GLRB: variants seen among roughly 807,000 people sequenced by gnomAD.
GLRB encodes the protein glycine receptor subunit beta.
A neutral mutation model predicts 54.2 loss-of-function variants in GLRB; 33 were observed. That is an observed-to-expected ratio of 0.61 (90% CI 0.46 to 0.81). The LOEUF is 0.81. GLRB is among the 40% of genes least tolerant of loss of function. GLRB has a pLI of 0.00. For synonymous variants in GLRB, 209 were observed against 208.2 expected, an observed-to-expected ratio of 1.00 and a Z score of -0.03; for missense variants, 572 against 584.6, an observed-to-expected ratio of 0.98 and a Z score of 0.22.
intron 4 of GLRB, among the ~76,000 whole-genome samples, chr4:157,123,812 C>T (rs1273465670): frequency 4.0e-5 from 6 of 151,716 alleles, no homozygotes; most frequent in Non-Finnish European, 7.4e-5. Context: ...GACACCACTA[C>T]ACTAATACAG....
chr4:157,085,586 T>A (rs2126433648), intron 2 of GLRB, among the ~76,000 whole-genome samples: 1 of 152,182 alleles, frequency 6.6e-6, no homozygotes, highest in Middle Eastern at 3.4e-3. Flanking sequence ...AACCTCCGCC[T>A]CCTGGGTTCA....
In GLRB at chr4:157,152,863, C is replaced by G. The variant is rs1737077494; in HGVS notation, c.1050C>G (p.Val350=). 6.2e-7 allele frequency: 1 copy of G among 1,613,808 alleles called. No individual in the cohort carries two copies. The highest frequency in any genetic ancestry group is 1.3e-5 in the African/African-American group (1 of 74,858). ...GFASLVEYAV[V]QVMLNNPKRV... ...CTTCCCTGGTGGAGTATGCAGTTGT[C>G]CAGGTGATGCTGAACAACCCCAAAA... is the stretch of plus-strand genomic sequence containing the variant. Residue 350 remains valine (V), a synonymous_variant, in exon 9 of 10, where the codon GTC becomes GTG. Coordinates refer to ENST00000264428, the MANE Select transcript of GLRB (RefSeq NM_000824.5).
At chr4:157,165,643 C>T (rs1313717612) in intron 9 of GLRB, among the ~76,000 whole-genome samples, 6 of 151,770 alleles carry the variant, frequency 4.0e-5, no homozygotes, top group Non-Finnish European at 8.8e-5. Flanking sequence ...TTTTTTTTCC[C>T]AGTAAAAGTG....
intron 6 of GLRB, 34 bp from the exon 7 acceptor site, chr4:157,138,775 T>C: frequency 9.2e-7 from 1 of 1,086,442 alleles, no homozygotes; most frequent in South Asian, 1.3e-5. Context: ...ATTAATTATA[T>C]TTTAAACTAA....
chr4:157,131,331 A>G (rs962510555), intron 4 of GLRB, among the ~76,000 whole-genome samples: 2 of 151,742 alleles, frequency 1.3e-5, no homozygotes, highest in Non-Finnish European at 3.0e-5. Flanking sequence ...CGATGTAGAC[A>G]TTATTGTAGC....
At chr4:157,133,818 C>A (rs1183869706) in intron 4 of GLRB, among the ~76,000 whole-genome samples, 1 of 151,918 alleles carries the variant, frequency 6.6e-6, no homozygotes, top group Non-Finnish European at 1.5e-5. Flanking sequence ...CAAATGTATT[C>A]TTGGGTTGTG....
chr4:157,077,946 A>T (rs1015211592), intron 1 of GLRB, 50 bp from the exon 2 acceptor site: 12 of 1,220,524 alleles, frequency 9.8e-6, no homozygotes, highest in African/African-American at 1.5e-5. Flanking sequence ...ACAGTCATAT[A>T]GTTATCATTT....
chr4:157,122,450 G>T, intron 4 of GLRB, 53 bp downstream of exon 4: 1 of 689,090 alleles, frequency 1.5e-6, no homozygotes. Flanking sequence ...AGAGGAGATA[G>T]TGAAAGTAAC....
intron 8 of GLRB, among the ~76,000 whole-genome samples, chr4:157,150,819 C>CT (rs1236095272): frequency 1.3e-5 from 2 of 151,988 alleles, no homozygotes; most frequent in African/African-American, 2.4e-5. Flanking sequence ...GTTTTCTCTG[C>CT]TTTTTTTCAC....
chr4:157,114,550 G>A lies in GLRB; in HGVS notation c.123-6006G>A, dbSNP rs1034999413. ...ATAAGTCAAGGCCATTCTTTATTCA[G>A]ACCTCTTTGGTCTTTACCTTAAGTC... On this transcript the variant is annotated intron_variant, in intron 2 of 9. Coordinates refer to ENST00000264428, the MANE Select transcript of GLRB (RefSeq NM_000824.5). 2.0e-5 allele frequency among the ~76,000 whole-genome samples: 3 copies of A among 151,534 alleles called. No homozygotes were observed. The South Asian group carries it at 6.3e-4, about 32-fold the overall frequency.
At chr4:157,079,925 T>C (rs1377447041) in intron 2 of GLRB, among the ~76,000 whole-genome samples, 5 of 152,220 alleles carry the variant, frequency 3.3e-5, no homozygotes, top group Admixed American at 1.3e-4. Context: ...TCAAGCCATC[T>C]TGGGTTTCTG....
At chr4:157,130,106 A>G (rs868625758) in intron 4 of GLRB, among the ~76,000 whole-genome samples, 1 of 151,648 alleles carries the variant, frequency 6.6e-6, no homozygotes, top group Non-Finnish European at 1.5e-5. Flanking sequence ...TTCTTCCTAA[A>G]ACTCTATGTT....
Position 157,138,908 on chromosome 4 carries a change from A to G in GLRB, c.710A>G (p.Asp237Gly). ...CCTCAATTTGATATCAAAAAGGAAGATATTGAATATGGTAACTGTACAAAA... is the reference window on the plus strand; with the variant it reads ...CCTCAATTTGATATCAAAAAGGAAGGTATTGAATATGGTAACTGTACAAAA... ...ALPQFDIKKE[D>G]IEYGNCTKYY... The change falls in exon 7 of 10, where the codon GAT (aspartate) becomes GGT (glycine). Residue 237 changes from aspartate (D) to glycine (G), a missense_variant. Coordinates refer to ENST00000264428, the MANE Select transcript of GLRB (RefSeq NM_000824.5). 1 of 1,476,382 alleles carries G rather than the reference A, an allele frequency of 6.8e-7. No individual in the cohort carries two copies. Among genetic ancestry groups the G allele is most frequent in the Non-Finnish European group, 9.5e-7 (1 of 1,055,656 alleles). 91.5% of individuals were successfully genotyped at this position (1,476,382 alleles called of 1,614,324 possible). A position where few individuals can be genotyped will look rare whatever the true frequency, so the allele number is the denominator to read the frequency against.
At chr4:157,159,967 CT>C (rs1158486880) in intron 9 of GLRB, among the ~76,000 whole-genome samples, 1 of 152,052 alleles carries the variant, frequency 6.6e-6, no homozygotes, top group African/African-American at 2.4e-5. Context: ...TGGTCCTGGA[CT>C]TTTTTTGGTT....
At position 157,136,705 on chromosome 4, in the gene GLRB, T is replaced by C. The variant is rs138020195; in HGVS notation, c.527+7T>C. ...ATGTCCTTGTCAGCATGAGGTACTC[T>C]TTTATATTTCATATTTGTGCATTTA... On this transcript the variant is annotated splice_region_variant and intron_variant, in intron 5 of 9. Coordinates refer to ENST00000264428, the MANE Select transcript of GLRB (RefSeq NM_000824.5). 4,927 of 1,550,224 alleles carry C rather than the reference T, an allele frequency of 3.2e-3. 13 individuals are homozygous for C. The highest frequency in any genetic ancestry group is 4.0e-3 in the Non-Finnish European group (4,470 of 1,121,998).
At chr4:157,145,685 A>G (rs1050535509) in intron 8 of GLRB, among the ~76,000 whole-genome samples, 1 of 152,220 alleles carries the variant, frequency 6.6e-6, no homozygotes, top group Non-Finnish European at 1.5e-5. Context: ...ACAGGCACCA[A>G]ATAAATATAA....
chr4:157,111,260 G>A (rs545694379), intron 2 of GLRB, among the ~76,000 whole-genome samples: 141 of 152,134 alleles, frequency 9.3e-4, no homozygotes, highest in Admixed American at 2.4e-3. Context: ...GCTGTGCACT[G>A]AGCTTTGGGG....
intron 7 of GLRB, among the ~76,000 whole-genome samples, chr4:157,140,189 T>TA (rs1202212232): frequency 6.6e-6 from 1 of 151,836 alleles, no homozygotes; most frequent in Non-Finnish European, 1.5e-5. Context: ...TTTTTAAAAG[T>TA]AAAAAATGGA....
chr4:157,153,766 A>T (rs1737117612), intron 9 of GLRB, among the ~76,000 whole-genome samples: 1 of 152,154 alleles, frequency 6.6e-6, no homozygotes, highest in Non-Finnish European at 1.5e-5. Flanking sequence ...CAACCAGAAG[A>T]CCATTTCCAT....
Sources: allele counts gnomAD v4.1 joint callset (sites outside exome capture counted in the v4.1 genomes callset), GRCh38; gene constraint gnomAD v4.1.1; transcripts MANE v1.5; gene names NCBI Gene and HGNC (gene_info 2026-07-23, HGNC 2026-07-21).